CSNK1G1: variants seen among roughly 807,000 people sequenced by gnomAD.
CSNK1G1 encodes casein kinase I isoform gamma-1.
In CSNK1G1, 22 loss-of-function variants were observed where a neutral mutation model predicts 59.6. That is an observed-to-expected ratio of 0.37 (90% CI 0.26 to 0.53). CSNK1G1 has a LOEUF of 0.53. Among genes scored for constraint, CSNK1G1 ranks in the 20% least tolerant of loss-of-function variants. The pLI is 0.89. For synonymous variants in CSNK1G1, 179 were observed against 177.1 expected (o/e 1.01, Z -0.08); for missense variants, 384 against 519.5 (o/e 0.74, Z 2.54).
Position 64,214,460 on chromosome 15 carries a change from G to A in CSNK1G1, c.445-336C>T, listed in dbSNP as rs920891618. On this transcript the variant is annotated intron_variant, in intron 5 of 11. Transcript: ENST00000303052. The surrounding 1 kb of genome is among the most constrained non-coding windows in gnomAD (Gnocchi z 4.3). ...AGAAAATTAAGCATTTGAGACAAAA[G>A]AAGTATTCCCAGGTAGGATATCAAA... is the stretch of plus-strand genomic sequence containing the variant. 6.6e-6 allele frequency among the ~76,000 whole-genome samples: 1 copy of A among 152,158 alleles called. No homozygotes were observed. The highest frequency in any genetic ancestry group is 1.5e-5 in the Non-Finnish European group (1 of 68,018).
chr15:64,244,007 A>C (rs771957842), intron 4 of CSNK1G1, among the ~76,000 whole-genome samples: 6 of 151,948 alleles, frequency 3.9e-5, no homozygotes, highest in Admixed American at 6.6e-5. Flanking sequence ...CGTCTCTACT[A>C]AAAATACAAA....
At chr15:64,293,760 C>G (rs1894866354) in intron 2 of CSNK1G1, among the ~76,000 whole-genome samples, 1 of 152,124 alleles carries the variant, frequency 6.6e-6, no homozygotes, top group South Asian at 2.1e-4. Context: ...TAGATTCTCA[C>G]AGGAGTGCAA....
At chr15:64,297,758 G>A (rs1027998333) in intron 2 of CSNK1G1, among the ~76,000 whole-genome samples, 1 of 152,008 alleles carries the variant, frequency 6.6e-6, no homozygotes, top group African/African-American at 2.4e-5. Context: ...GTGTGTCTAG[G>A]AAAGGAAATT....
At chr15:64,351,476 TGA>T (rs1898281961) in intron 1 of CSNK1G1, among the ~76,000 whole-genome samples, 1 of 152,240 alleles carries the variant, frequency 6.6e-6, no homozygotes, top group South Asian at 2.1e-4. Context: ...CCACAGACTT[TGA>T]GAGGAAGTGG....
At chr15:64,312,881 T>G (rs1489451802) in intron 1 of CSNK1G1, among the ~76,000 whole-genome samples, 1 of 152,072 alleles carries the variant, frequency 6.6e-6, no homozygotes, top group Non-Finnish European at 1.5e-5. Context: ...ATATCCAGAA[T>G]CTACAAAGAA....
Position 64,314,565 on chromosome 15 carries a change from T to TTA in CSNK1G1, c.-224-13843_-224-13842insTA, listed in dbSNP as rs397777556. 8.8e-3 allele frequency among the ~76,000 whole-genome samples: 1,155 copies of TTA among 130,592 alleles called. 22 individuals carry two copies. The highest frequency in any genetic ancestry group is 0.026 in the African/African-American group (908 of 35,554). 85.7% of individuals were successfully genotyped at this position (130,592 alleles called of 152,430 possible). ...TCTTCACCACACTGTACCACAGAAT[T>TTA]AAAAAAAAAAAAAAAAAACATATCC... On this transcript the variant is annotated intron_variant, in intron 1 of 11. Transcript: ENST00000303052.
intron 2 of CSNK1G1, chr15:64,265,814 T>A (rs147095072): frequency 2.0e-4 from 92 of 456,584 alleles, no homozygotes; most frequent in African/African-American, 1.7e-3. Flanking sequence ...TCACAGTGGC[T>A]TATGCCTATT....
chr15:64,189,117 C>T (rs1286399089), intron 10 of CSNK1G1, among the ~76,000 whole-genome samples: 31 of 152,096 alleles, frequency 2.0e-4, no homozygotes, highest in Admixed American at 2.0e-3. Context: ...CAGAGCAAGA[C>T]TCCATCTCGA....
intron 1 of CSNK1G1, among the ~76,000 whole-genome samples, chr15:64,355,265 C>G (rs978065878): frequency 2.0e-5 from 3 of 152,276 alleles, no homozygotes; most frequent in Admixed American, 2.0e-4. Context: ...GTAATTTATA[C>G]CGGAATTAAT....
chr15:64,350,309 C>T (rs541524232), intron 1 of CSNK1G1, among the ~76,000 whole-genome samples: 17 of 151,906 alleles, frequency 1.1e-4, no homozygotes, highest in Admixed American at 3.3e-4. Context: ...CTGGCTAACA[C>T]GGTGAAACCC....
At chr15:64,212,764 G>A (rs967599998) in intron 6 of CSNK1G1, among the ~76,000 whole-genome samples, 1 of 151,976 alleles carries the variant, frequency 6.6e-6, no homozygotes, top group Non-Finnish European at 1.5e-5. Context: ...CCAGCACTTT[G>A]GGAGGCCGAG....
chr15:64,266,305 T>C (rs1012279415), intron 2 of CSNK1G1, among the ~76,000 whole-genome samples: 1 of 152,000 alleles, frequency 6.6e-6, no homozygotes, highest in African/African-American at 2.4e-5. Context: ...CATGATCCAC[T>C]GACCTCGTGA....
intron 1 of CSNK1G1, among the ~76,000 whole-genome samples, chr15:64,334,969 CAAT>C (rs1215175489): frequency 6.6e-6 from 1 of 152,156 alleles, no homozygotes; most frequent in Non-Finnish European, 1.5e-5. Flanking sequence ...TTAGAGACCA[CAAT>C]ATTATTTCCA....
intron 1 of CSNK1G1, among the ~76,000 whole-genome samples, chr15:64,324,450 T>C (rs1215946446): frequency 3.9e-5 from 6 of 152,224 alleles, no homozygotes; most frequent in Non-Finnish European, 1.5e-5. Flanking sequence ...AGTTTTCATC[T>C]ATCTCCCATG....
chr15:64,312,977 T>C (rs1896075062), intron 1 of CSNK1G1, among the ~76,000 whole-genome samples: 1 of 152,202 alleles, frequency 6.6e-6, no homozygotes, highest in African/African-American at 2.4e-5. Context: ...AAAGAAGACA[T>C]TTATGCAGCC....
At chr15:64,221,230 A>C (rs1221601426) in intron 4 of CSNK1G1, among the ~76,000 whole-genome samples, 1 of 152,192 alleles carries the variant, frequency 6.6e-6, no homozygotes, top group Non-Finnish European at 1.5e-5. Flanking sequence ...TTGCTTAGAA[A>C]TATAATATTG....
rs1273852013 is a variant in CSNK1G1 at position 64,246,635 on chromosome 15, A to C, written c.292+4877T>G. Among the ~76,000 whole-genome samples the C allele has an allele frequency of 1.9e-5, 2 of 106,982 alleles. 1 individual carries two copies. The highest frequency in any genetic ancestry group is 9.2e-5 in the African/African-American group (2 of 21,686). 70.2% of individuals were successfully genotyped at this position (106,982 alleles called of 152,430 possible). ...AAGAGTCCGTCTCTTTAAAAAAAAA[A>C]AAAAGGGGGGGGGGGAGGAATCTTG... On this transcript the variant is annotated intron_variant, in intron 4 of 11. Transcript: ENST00000303052.
chr15:64,231,371 A>AT (rs1435927221), intron 4 of CSNK1G1, among the ~76,000 whole-genome samples: 1 of 147,712 alleles, frequency 6.8e-6, no homozygotes, highest in Non-Finnish European at 1.5e-5. Flanking sequence ...ATATTTATAT[A>AT]AACATATATA....
In CSNK1G1 at chr15:64,171,263, G is replaced by C. The variant is rs2081661019; in HGVS notation, c.*668C>G. The stretch of plus-strand genomic sequence containing the variant: ...CTGGAGAAAAGAGTTTGTCAAAAAA[G>C]CTAAGAACGCCAACACACAGGGACA... On this transcript the variant is annotated 3_prime_UTR_variant, in exon 12 of 12. Transcript: ENST00000303052. This position sits in a 1 kb window ranked among gnomAD's most constrained non-coding sequence, Gnocchi z 4.8. 1 of 152,598 alleles carries C rather than the reference G, an allele frequency of 6.6e-6. No individual in the cohort carries two copies. The allele number at this position is 152,598 out of a possible 1,614,324, so 9.5% of individuals were successfully genotyped here.
Sources: gnomAD v4.1 joint callset for allele counts (sites outside exome capture counted in the v4.1 genomes callset) on GRCh38, gnomAD v4.1.1 for gene constraint, Gnocchi (gnomAD v3.1) non-coding constraint, MANE v1.5 for transcripts, NCBI Gene and HGNC (gene_info 2026-07-23, HGNC 2026-07-21) for gene names.